The following OR52L1 variants were observed in gnomAD, a reference collection of about 807,000 sequenced individuals.
OR52L1 encodes olfactory receptor family 52 subfamily L member 1.
Under a neutral mutation model 16.1 loss-of-function variants are expected in OR52L1, and 15 were observed. The ratio of observed to expected loss-of-function variants is 0.93; its 90% CI spans 0.62 to 1.44. The LOEUF (loss-of-function observed/expected upper bound fraction) is 1.44, where lower values mean the gene tolerates loss of function less well. Among genes scored for constraint, OR52L1 ranks in the 40% most tolerant of loss-of-function variants. The probability of loss-of-function intolerance (pLI) is 0.00; values close to 1 mark genes in which losing one functional copy is unlikely to be tolerated. For missense variants in OR52L1, 406 were observed against 402.3 expected (o/e 1.01, Z -0.08); for synonymous variants, 166 against 159.2 (o/e 1.04, Z -0.32).
rs753509878 is a variant in OR52L1 at position 5,985,983 on chromosome 11, C to G, written c.948G>C (p.Gln316His). 3 of 1,612,040 alleles carry G rather than the reference C, an allele frequency of 1.9e-6. No individual in the cohort carries two copies. The East Asian group carries it at 6.7e-5, about 36-fold the overall frequency. Residue 316 changes from glutamine (Q) to histidine (H), a missense_variant, in exon 1 of 1, where the codon CAG becomes CAC. Coordinates refer to ENST00000332249, the MANE Select transcript of OR52L1 (RefSeq NM_001005173.3). Reference protein sequence around the residue: ...NPLVYGVKTQQIRQRVLRVFT... With the variant: ...NPLVYGVKTQHIRQRVLRVFT... ...ACACTCTGAGCACTCGCTGGCGGAT[C>G]TGCTGAGTCTTCACTCCATAGACAA...
rs1337439201 is a variant in OR52L1, at chr11:5,986,400, G to T, written c.531C>A (p.Phe177Leu). 3.1e-6 allele frequency: 5 copies of T among 1,613,796 alleles called. No homozygotes were observed. In the African/African-American group the frequency reaches 6.7e-5, roughly 22 times the overall value. ...LVRGLLLLIP[F>L]PILLGTLIFC... ...AGATAAGTGTTCCCAACAAAATGGG[G>T]AAGGGGATAAGGAGTAGTAATCCCC... is the stretch of plus-strand genomic sequence containing the variant. Residue 177 changes from phenylalanine (F) to leucine (L), a missense_variant, in exon 1 of 1, where the codon TTC becomes TTA. Phe to Leu is a conservative substitution (Grantham distance 22). Transcript: ENST00000332249.
In OR52L1 at chr11:5,986,312, A is replaced by C; in HGVS notation, c.619T>G (p.Cys207Gly). The C allele has an allele frequency of 6.2e-7, 1 of 1,614,036 alleles. No individual in the cohort carries two copies. Among genetic ancestry groups the C allele is most frequent in the Non-Finnish European group, 8.5e-7 (1 of 1,179,884 alleles). The part of the protein sequence containing the change: ...CEHMAVVKLA[C>G]SETTVNRAYG... The stretch of plus-strand genomic sequence containing the variant: ...GCTCGATTGACTGTGGTTTCTGAGC[A>C]GGCAAGTTTCACAACAGCCATATGT... Residue 207 changes from cysteine (C) to glycine (G), a missense_variant, in exon 1 of 1, where the codon TGC (cysteine) becomes GGC (glycine). Cys to Gly is a radical substitution (Grantham distance 159, BLOSUM62 -3). Coordinates refer to ENST00000332249, the MANE Select transcript of OR52L1 (RefSeq NM_001005173.3).
In OR52L1 at chr11:5,986,580, G is replaced by C; in HGVS notation, c.351C>G (p.Ile117Met). The change falls in exon 1 of 1, where the codon ATC becomes ATG. Residue 117 changes from isoleucine to methionine, a missense_variant. Physicochemically the swap from Ile to Met is conservative, Grantham distance 10. Transcript: ENST00000332249. The stretch of plus-strand genomic sequence containing the variant: ...AGAATGCATGGATGAAGAACATCTG[G>C]ATCAGGCAGACGATGTACCCAATCT... The part of the protein sequence containing the change: ...AHEIGYIVCL[I>M]QMFFIHAFSS... 9 of 1,613,974 alleles carry C rather than the reference G, an allele frequency of 5.6e-6. No homozygotes were observed. The highest frequency in any genetic ancestry group is 6.8e-6 in the Non-Finnish European group (8 of 1,179,896).
Position 5,986,650 on chromosome 11 carries a change from G to A in OR52L1, c.281C>T (p.Ser94Phe). ...LAAIDLVLAS[S>F]TAPKALAVLL... ...CACTGCAAGGGCTTTGGGTGCAGTG[G>A]AGGAGGCCAGAACCAGGTCGATGGC... is the stretch of plus-strand genomic sequence containing the variant. The change falls in exon 1 of 1, where the codon TCC becomes TTC. Residue 94 changes from serine to phenylalanine, a missense_variant. By Grantham distance (155) the Ser-to-Phe change is radical. Coordinates refer to ENST00000332249, the MANE Select transcript of OR52L1 (RefSeq NM_001005173.3). 1.2e-6 allele frequency: 2 copies of A among 1,613,946 alleles called. No individual in the cohort carries two copies.
Position 5,986,560 on chromosome 11 carries a change from G to A in OR52L1, c.371C>T (p.Ala124Val), listed in dbSNP as rs760962941. ...TACCCCTGACTCCATGGAGGAGAAT[G>A]CATGGATGAAGAACATCTGGATCAG... ...VCLIQMFFIH[A>V]FSSMESGVLV... The change falls in exon 1 of 1, where the codon GCA becomes GTA. Residue 124 changes from alanine to valine, a missense_variant. By Grantham distance (64) the Ala-to-Val change is moderately conservative. Transcript: ENST00000332249. 11 of 1,613,810 alleles carry A rather than the reference G, an allele frequency of 6.8e-6. No individual in the cohort carries two copies. The highest frequency in any genetic ancestry group is 3.3e-4 in the Middle Eastern group (2 of 6,084).
chr11:5,986,082 A>T lies in OR52L1; in HGVS notation c.849T>A (p.Gly283=), dbSNP rs1848112901. 2 of 1,613,992 alleles carry T rather than the reference A, an allele frequency of 1.2e-6. No individual in the cohort carries two copies. Among genetic ancestry groups the T allele is most frequent in the Non-Finnish European group, 1.7e-6 (2 of 1,179,878 alleles). Residue 283 remains glycine (G), a synonymous_variant, in exon 1 of 1, where the codon GGT becomes GGA. Coordinates refer to ENST00000332249, the MANE Select transcript of OR52L1 (RefSeq NM_001005173.3). ...CATGGACATGATGGGGTACATGATG[A>T]CCAAAGCGGTGAGTGAGGAAGGAGA... ...GIFSFLTHRF[G]HHVPHHVHVL... is the part of the protein sequence containing the mutation.
rs781750678 is a variant in OR52L1 at position 5,986,406 on chromosome 11, G to T, written c.525C>A (p.Ile175=). The T allele has an allele frequency of 6.2e-7, 1 of 1,613,990 alleles. No homozygotes were observed. Among genetic ancestry groups the T allele is most frequent in the South Asian group, 1.1e-5 (1 of 91,078 alleles). ...VVLVRGLLLL[I]PFPILLGTLI... ...GTGTTCCCAACAAAATGGGGAAGGG[G>T]ATAAGGAGTAGTAATCCCCTCACCA... The change falls in exon 1 of 1, where the codon ATC becomes ATA. Residue 175 remains isoleucine, a synonymous_variant. Transcript: ENST00000332249.
Position 5,986,556 on chromosome 11 carries a change from G to A in OR52L1, c.375C>T (p.Phe125=), listed in dbSNP as rs373359671. The change falls in exon 1 of 1, where the codon TTC becomes TTT. Residue 125 remains phenylalanine, a synonymous_variant. Coordinates refer to ENST00000332249, the MANE Select transcript of OR52L1 (RefSeq NM_001005173.3). The stretch of plus-strand genomic sequence containing the variant: ...CAAGTACCCCTGACTCCATGGAGGA[G>A]AATGCATGGATGAAGAACATCTGGA... ...CLIQMFFIHA[F]SSMESGVLVA... 6.2e-7 allele frequency: 1 copy of A among 1,613,972 alleles called. No homozygotes were observed. Among genetic ancestry groups the A allele is most frequent in the Non-Finnish European group, 8.5e-7 (1 of 1,179,880 alleles).
chr11:5,986,759 C>A lies in OR52L1; in HGVS notation c.172G>T (p.Val58Leu). 6.2e-7 allele frequency: 1 copy of A among 1,613,976 alleles called. No individual in the cohort carries two copies. The highest frequency in any genetic ancestry group is 8.5e-7 in the Non-Finnish European group (1 of 1,179,872). Reference sequence around the variant, plus strand: ...ATGAAGAGAATGGTAACATTGCCCACTAAAGCAAGGAGGTAAAGGATGCCC... The same window carrying A: ...ATGAAGAGAATGGTAACATTGCCCAATAAAGCAAGGAGGTAAAGGATGCCC... The part of the protein sequence containing the change: ...PLGILYLLAL[V>L]GNVTILFIIW... The change falls in exon 1 of 1, where the codon GTG becomes TTG. Residue 58 changes from valine to leucine, a missense_variant. Physicochemically the swap from Val to Leu is conservative, Grantham distance 32. Transcript: ENST00000332249.
Position 5,986,102 on chromosome 11 carries a change from AG to A in OR52L1, c.828del (p.Phe277SerfsTer36), listed in dbSNP as rs773768822. 9 of 1,613,970 alleles carry A rather than the reference AG, an allele frequency of 5.6e-6. No individual in the cohort carries two copies. Among genetic ancestry groups the A allele is most frequent in the Non-Finnish European group, 7.6e-6 (9 of 1,179,850 alleles). ...ILVFYVPGIF[S>X]FLTHRFGHHV... ...TGATGACCAAAGCGGTGAGTGAGGAAGGAGAAAATTCCAGGGACATAGAAGA... is the reference window on the plus strand; with the variant it reads ...TGATGACCAAAGCGGTGAGTGAGGAAGAGAAAATTCCAGGGACATAGAAGA... On this transcript the variant is annotated frameshift_variant, in exon 1 of 1. Transcript: ENST00000332249. LOFTEE classifies it high-confidence loss of function.
Position 5,986,267 on chromosome 11 carries a change from A to C in OR52L1, c.664T>G (p.Leu222Val), listed in dbSNP as rs769395729. Residue 222 changes from leucine to valine, a missense_variant, in exon 1 of 1, where the codon TTG becomes GTG. Coordinates refer to ENST00000332249, the MANE Select transcript of OR52L1 (RefSeq NM_001005173.3). ...AGAACATCCAGCCCAATCACAAGCA[A>C]GGCCATAGTCAGCCCATAAGCTCGA... ...VNRAYGLTMA[L>V]LVIGLDVLAI... 3.7e-6 allele frequency: 6 copies of C among 1,613,972 alleles called. No homozygotes were observed. The highest frequency in any genetic ancestry group is 5.1e-6 in the Non-Finnish European group (6 of 1,179,890).
Position 5,986,436 on chromosome 11 carries a change from C to T in OR52L1, c.495G>A (p.Val165=), listed in dbSNP as rs545841338. The T allele has an allele frequency of 4.3e-5, 70 of 1,613,886 alleles. No homozygotes were observed. Among genetic ancestry groups the T allele is most frequent in the Non-Finnish European group, 5.7e-5 (67 of 1,179,892 alleles). The change falls in exon 1 of 1, where the codon GTG becomes GTA. Residue 165 remains valine (V), a synonymous_variant. Coordinates refer to ENST00000332249, the MANE Select transcript of OR52L1 (RefSeq NM_001005173.3). The stretch of plus-strand genomic sequence containing the variant: ...GGAGTAGTAATCCCCTCACCAGCAC[C>T]ACCATTCCGATGCGCCCTATGACCC... ...HPGVIGRIGM[V]VLVRGLLLLI...
In OR52L1 at chr11:5,986,210, G is replaced by T; in HGVS notation, c.721C>A (p.Gln241Lys). ...AIGVSYAHILQAVLKVPGSEA... is the reference protein window; with the variant it reads ...AIGVSYAHILKAVLKVPGSEA... The stretch of plus-strand genomic sequence containing the variant: ...CTCCCTGGTACCTTCAGCACTGCCT[G>T]GAGGATGTGGGCATAGGAAACACCA... The change falls in exon 1 of 1, where the codon CAG (glutamine) becomes AAG (lysine). Residue 241 changes from glutamine (Q) to lysine (K), a missense_variant. Gln to Lys is a moderately conservative substitution (Grantham distance 53). Transcript: ENST00000332249. 1 of 1,613,768 alleles carries T rather than the reference G, an allele frequency of 6.2e-7. No homozygotes were observed. The highest frequency in any genetic ancestry group is 1.7e-5 in the Admixed American group (1 of 60,020).
chr11:5,986,509 T>C lies in OR52L1; in HGVS notation c.422A>G (p.Tyr141Cys), dbSNP rs757911205. Residue 141 changes from tyrosine to cysteine, a missense_variant, in exon 1 of 1, where the codon TAT becomes TGT. Tyr to Cys is a radical substitution (Grantham distance 194). Transcript: ENST00000332249. ...GTGCAAGGGGTGACAAATGGCTACA[T>C]AGCGATCCAGAGCCATGGCCACAAG... ...GVLVAMALDRYVAICHPLHHS... is the reference protein window; with the variant it reads ...GVLVAMALDRCVAICHPLHHS... 2.5e-6 allele frequency: 4 copies of C among 1,613,722 alleles called. No individual in the cohort carries two copies. In the African/African-American group the frequency reaches 5.3e-5, roughly 22 times the overall value.
In OR52L1 at chr11:5,986,967, A is replaced by T; in HGVS notation, c.-37T>A. 2 of 1,591,308 alleles carry T rather than the reference A, an allele frequency of 1.3e-6. No individual in the cohort carries two copies. The highest frequency in any genetic ancestry group is 1.7e-6 in the Non-Finnish European group (2 of 1,169,118). On this transcript the variant is annotated 5_prime_UTR_variant, in exon 1 of 1. In the 5' UTR this introduces an upstream ATG that the reference lacks. Transcript: ENST00000332249. ...TCCTGCTACATTATCACATTGTCCA[A>T]ATGGGGCAACCATCATCCTGAGAAG... is the stretch of plus-strand genomic sequence containing the variant.
chr11:5,986,862 C>T lies in OR52L1; in HGVS notation c.69G>A (p.Trp23Ter), dbSNP rs1456486968. The T allele has an allele frequency of 1.2e-6, 2 of 1,613,818 alleles. No individual in the cohort carries two copies. The highest frequency in any genetic ancestry group is 2.2e-5 in the East Asian group (1 of 44,886). Residue 23 changes from tryptophan to a stop codon, truncating the protein, a stop_gained, in exon 1 of 1, where the codon TGG (tryptophan) becomes TGA (stop). Transcript: ENST00000332249. LOFTEE classifies it high-confidence loss of function. ...GGAGAAAAGAAGGCTGGGATAGCCT[C>T]CAGCTTGAATTGCTAAGGAGCATTA... ...PLIMLLSNSS[W>*]RLSQPSFLLV...
In OR52L1 at chr11:5,986,237, T is replaced by C. The variant is rs1362399187; in HGVS notation, c.694A>G (p.Ile232Val). The C allele has an allele frequency of 1.2e-6, 2 of 1,613,662 alleles. No homozygotes were observed. The highest frequency in any genetic ancestry group is 2.7e-5 in the African/African-American group (2 of 74,912). The change falls in exon 1 of 1, where the codon ATT becomes GTT. Residue 232 changes from isoleucine to valine, a missense_variant. Coordinates refer to ENST00000332249, the MANE Select transcript of OR52L1 (RefSeq NM_001005173.3). ...AGGATGTGGGCATAGGAAACACCAATGGCCAGAACATCCAGCCCAATCACA... is the reference window on the plus strand; with the variant it reads ...AGGATGTGGGCATAGGAAACACCAACGGCCAGAACATCCAGCCCAATCACA... ...LLVIGLDVLAIGVSYAHILQA... is the reference protein window; with the variant it reads ...LLVIGLDVLAVGVSYAHILQA...
At position 5,986,503 on chromosome 11, in the gene OR52L1, G is replaced by T; in HGVS notation, c.428C>A (p.Ala143Asp). The T allele has an allele frequency of 6.2e-7, 1 of 1,613,784 alleles. No individual in the cohort carries two copies. Among genetic ancestry groups the T allele is most frequent in the African/African-American group, 1.3e-5 (1 of 75,028 alleles). Residue 143 changes from alanine (A) to aspartate (D), a missense_variant, in exon 1 of 1, where the codon GCC becomes GAC. Ala to Asp is a moderately radical substitution (Grantham distance 126). Coordinates refer to ENST00000332249, the MANE Select transcript of OR52L1 (RefSeq NM_001005173.3). ...LVAMALDRYV[A>D]ICHPLHHSTI... Reference sequence around the variant, plus strand: ...GGAATGGTGCAAGGGGTGACAAATGGCTACATAGCGATCCAGAGCCATGGC... The same window carrying T: ...GGAATGGTGCAAGGGGTGACAAATGTCTACATAGCGATCCAGAGCCATGGC...
At position 5,986,902 on chromosome 11, in the gene OR52L1, A is replaced by T; in HGVS notation, c.29T>A (p.Leu10His). The T allele has an allele frequency of 2.5e-6, 4 of 1,613,042 alleles. No individual in the cohort carries two copies. The highest frequency in any genetic ancestry group is 3.4e-6 in the Non-Finnish European group (4 of 1,179,466). The part of the protein sequence containing the change: MTLVSFFSF[L>H]SKPLIMLLSN... ...AAGGAGCATTATCAATGGCTTGGAGAGGAAAGAGAAAAAAGAAACCAAAGT... is the reference window on the plus strand; with the variant it reads ...AAGGAGCATTATCAATGGCTTGGAGTGGAAAGAGAAAAAAGAAACCAAAGT... The change falls in exon 1 of 1, where the codon CTC (leucine) becomes CAC (histidine). Residue 10 changes from leucine to histidine, a missense_variant. Coordinates refer to ENST00000332249, the MANE Select transcript of OR52L1 (RefSeq NM_001005173.3).
Sources: gnomAD v4.1 joint callset for allele counts on GRCh38, gnomAD v4.1.1 for gene constraint, MANE v1.5 for transcripts, NCBI Gene and HGNC (gene_info 2026-07-23, HGNC 2026-07-21) for gene names.